GRIA3: variants seen among roughly 807,000 people sequenced by gnomAD.
GRIA3 encodes the protein glutamate receptor 3.
In GRIA3, 3 loss-of-function variants were observed where a neutral mutation model predicts 63.0. That is an observed-to-expected ratio of 0.05 (90% confidence interval 0.02 to 0.12). GRIA3 has a LOEUF of 0.12. Ranked by LOEUF, GRIA3 falls within the 10% of genes least tolerant of loss-of-function variation. The pLI, the probability that GRIA3 is intolerant of heterozygous loss-of-function variation, is 1.00. For synonymous variants in GRIA3, 274 were observed against 257.9 expected, an observed-to-expected ratio of 1.06 and a Z score of -0.60; for missense variants, 347 against 700.9, an observed-to-expected ratio of 0.50 and a Z score of 5.70.
chrX:123,447,726 G>A (rs1161269633), intron 12 of GRIA3, among the ~76,000 whole-genome samples: 2 of 111,859 alleles, frequency 1.8e-5, no homozygotes, highest in Non-Finnish European at 3.8e-5. Context: ...CAAGTCCCTG[G>A]TTACTGTATG....
intron 3 of GRIA3, among the ~76,000 whole-genome samples, chrX:123,312,851 G>A (rs1336437438): frequency 2.7e-5 from 3 of 112,047 alleles, no homozygotes; most frequent in Non-Finnish European, 3.8e-5. Flanking sequence ...AAGAAGACAA[G>A]TATTGTGGTC....
At chrX:123,482,586 T>C (rs887743730) in intron 14 of GRIA3, 4 of 432,561 alleles carry the variant, frequency 9.2e-6, no homozygotes, top group Admixed American at 3.7e-5. Flanking sequence ...GAAAGGACAT[T>C]TAGGTGAGGA....
chrX:123,362,641 T>A (rs945217389), intron 5 of GRIA3, among the ~76,000 whole-genome samples: 1 of 110,290 alleles, frequency 9.1e-6, no homozygotes, highest in Admixed American at 9.7e-5. Flanking sequence ...TGATCTGATT[T>A]ATGCTTTTTT....
At chrX:123,296,209 A>G (rs1199271757) in intron 3 of GRIA3, among the ~76,000 whole-genome samples, 2 of 111,066 alleles carry the variant, frequency 1.8e-5, no homozygotes, top group Non-Finnish European at 3.8e-5. Context: ...AACTTATCCT[A>G]GGTCCCACAA....
intron 3 of GRIA3, among the ~76,000 whole-genome samples, chrX:123,292,171 A>G (rs1203015007): frequency 8.9e-6 from 1 of 111,882 alleles, no homozygotes; most frequent in African/African-American, 3.2e-5. Flanking sequence ...CCCGCTCAAT[A>G]TAGGGACCAT....
chrX:123,473,252 G>A (rs1485783988), intron 13 of GRIA3, among the ~76,000 whole-genome samples: 2 of 112,291 alleles, frequency 1.8e-5, no homozygotes, highest in Admixed American at 9.4e-5. Flanking sequence ...TTCAGACACT[G>A]GTGTACTCAA....
chrX:123,353,853 T>C (rs1403556468), intron 4 of GRIA3, among the ~76,000 whole-genome samples: 1 of 111,944 alleles, frequency 8.9e-6, no homozygotes, highest in Non-Finnish European at 1.9e-5. Flanking sequence ...TAGTACTTTG[T>C]ACACAGTCAG....
intron 2 of GRIA3, among the ~76,000 whole-genome samples, chrX:123,237,059 C>G (rs994156198): frequency 2.4e-4 from 27 of 111,629 alleles, no homozygotes; most frequent in Admixed American, 4.7e-4. Flanking sequence ...GAGGCAGGCA[C>G]CAAATGCTCC....
At chrX:123,402,225 A>G (rs2045446874) in intron 7 of GRIA3, among the ~76,000 whole-genome samples, 3 of 111,156 alleles carry the variant, frequency 2.7e-5, no homozygotes, top group Middle Eastern at 9.3e-3. Context: ...TGTGGGTTAA[A>G]TAAGAGGGAA....
chrX:123,422,053 A>G (rs1380823683), intron 11 of GRIA3, among the ~76,000 whole-genome samples: 1 of 112,082 alleles, frequency 8.9e-6, no homozygotes, highest in Non-Finnish European at 1.9e-5. Flanking sequence ...CCTACTACCA[A>G]CCTGAAGTTG....
chrX:123,354,220 C>T (rs181718558), intron 4 of GRIA3, among the ~76,000 whole-genome samples: 5 of 110,951 alleles, frequency 4.5e-5, no homozygotes, highest in East Asian at 5.7e-4. Context: ...TGTCTAGCGA[C>T]ATCCTTGGCC....
chrX:123,479,089 G>A (rs2045900196), intron 13 of GRIA3, among the ~76,000 whole-genome samples: 2 of 113,108 alleles, frequency 1.8e-5, no homozygotes, highest in South Asian at 3.6e-4. Context: ...AAGCAGTGAA[G>A]GACTAAGGAG....
At chrX:123,327,623 G>A (rs1277578821) in intron 4 of GRIA3, among the ~76,000 whole-genome samples, 1 of 111,037 alleles carries the variant, frequency 9.0e-6, no homozygotes, top group Admixed American at 9.6e-5. Context: ...GAGACGGAAG[G>A]AAGGGAGGAA....
Position 123,235,590 on chromosome X carries a change from C to T in GRIA3, c.269-17713C>T, listed in dbSNP as rs764486485. ...CTGATTTCTAATTTTGATGGCCAGACACAGAAATATTTGTTTAATGAGTGA... is the reference window on the plus strand; with the variant it reads ...CTGATTTCTAATTTTGATGGCCAGATACAGAAATATTTGTTTAATGAGTGA... On this transcript the variant is annotated intron_variant, in intron 2 of 15. Transcript: ENST00000620443. Among the ~76,000 whole-genome samples the T allele has an allele frequency of 5.4e-5, 6 of 111,189 alleles. No individual in the cohort carries two copies. In the South Asian group the frequency reaches 1.5e-3, roughly 28 times the overall value.
chrX:123,382,188 T>C (rs760570505), intron 5 of GRIA3, among the ~76,000 whole-genome samples: 1 of 112,171 alleles, frequency 8.9e-6, no homozygotes, highest in African/African-American at 3.2e-5. Context: ...TTACCTTCTT[T>C]CTTTTTTCAC....
chrX:123,361,200 T>C (rs1213142543), intron 5 of GRIA3: 1 of 111,872 alleles, frequency 8.9e-6, no homozygotes, highest in Admixed American at 9.5e-5. Context: ...TATGCTGTTT[T>C]GCTTGCCAAT....
intron 2 of GRIA3, among the ~76,000 whole-genome samples, chrX:123,206,567 G>A (rs1927893522): frequency 8.9e-6 from 1 of 111,830 alleles, no homozygotes; most frequent in African/African-American, 3.3e-5. Context: ...ACCTTTGGAG[G>A]CAGGTTTTAC....
At chrX:123,205,703 G>C (rs1247307190) in intron 2 of GRIA3, among the ~76,000 whole-genome samples, 2 of 111,861 alleles carry the variant, frequency 1.8e-5, no homozygotes, top group Non-Finnish European at 3.8e-5. Flanking sequence ...CAGTACCGGA[G>C]CTGGAGTTGC....
intron 5 of GRIA3, among the ~76,000 whole-genome samples, chrX:123,383,324 A>G (rs186441463): frequency 9.0e-6 from 1 of 111,287 alleles, no homozygotes; most frequent in Admixed American, 9.6e-5. Context: ...GAAATACACA[A>G]TACATTGTTG....
Sources: gnomAD v4.1 joint callset for allele counts (sites outside exome capture counted in the v4.1 genomes callset) on GRCh38, gnomAD v4.1.1 for gene constraint, MANE v1.5 for transcripts, NCBI Gene and HGNC (gene_info 2026-07-23, HGNC 2026-07-21) for gene names.